GPATCH8: variants seen among roughly 807,000 people sequenced by gnomAD.
GPATCH8 encodes the protein G-patch domain containing 8.
In GPATCH8, 18 loss-of-function variants were observed where a neutral mutation model predicts 118.3. The ratio of observed to expected loss-of-function variants is 0.15; its 90% CI spans 0.11 to 0.23. The LOEUF (loss-of-function observed/expected upper bound fraction) is 0.23, where lower values mean the gene tolerates loss of function less well. Ranked by LOEUF, GPATCH8 falls within the 10% of genes least tolerant of loss-of-function variation. GPATCH8 has a pLI of 1.00. For missense variants in GPATCH8, 1,631 were observed against 1,873.8 expected, an observed-to-expected ratio of 0.87 and a Z score of 2.39; for synonymous variants, 659 against 684.7, an observed-to-expected ratio of 0.96 and a Z score of 0.59.
Position 44,400,133 on chromosome 17 carries a change from C to A in GPATCH8, c.1944G>T (p.Gly648=). The A allele has an allele frequency of 1.2e-6, 2 of 1,613,984 alleles. No individual in the cohort carries two copies. Among genetic ancestry groups the A allele is most frequent in the Non-Finnish European group, 1.7e-6 (2 of 1,180,026 alleles). ...ACSGLNKQEP[G]GSHGSETEDT... ...CTTCTGTCTCAGACCCATGGCTACC[C>A]CCAGGCTCCTGCTTGTTCAGGCCGC... Residue 648 remains glycine (G), a synonymous_variant, in exon 8 of 8, where the codon GGG becomes GGT. Coordinates refer to ENST00000591680, the MANE Select transcript of GPATCH8 (RefSeq NM_001002909.4).
intron 5 of GPATCH8, 147 bp from the exon 6 acceptor site, chr17:44,424,639 A>G: frequency 1.5e-6 from 1 of 676,504 alleles, no homozygotes; most frequent in Non-Finnish European, 2.6e-6. Context: ...ATGAAACACA[A>G]GTGGTACTTT....
chr17:44,414,568 C>G lies in GPATCH8; in HGVS notation c.493-8517G>C, dbSNP rs572609201. 4.6e-5 allele frequency among the ~76,000 whole-genome samples: 7 copies of G among 152,312 alleles called. No individual in the cohort carries two copies. In the South Asian group the frequency reaches 8.3e-4, roughly 18 times the overall value. ...AAGGGATCCTCCTGCCTTGGCCTCC[C>G]AAAGTGTTTACAGGCGTGAGCCATT... On this transcript the variant is annotated intron_variant, in intron 6 of 7. Coordinates refer to ENST00000591680, the MANE Select transcript of GPATCH8 (RefSeq NM_001002909.4).
intron 3 of GPATCH8, among the ~76,000 whole-genome samples, chr17:44,464,232 A>T (rs1042604341): frequency 5.7e-4 from 87 of 152,210 alleles, no homozygotes; most frequent in Non-Finnish European, 1.8e-4. Flanking sequence ...AGCCACACAC[A>T]GTATGTTTGA....
chr17:44,503,254 G>A, intron 1 of GPATCH8, 72 bp downstream of exon 1: 2 of 1,328,808 alleles, frequency 1.5e-6, no homozygotes, highest in Non-Finnish European at 2.1e-6. Flanking sequence ...AAGAGGGCTG[G>A]GAGCCGGAGA....
intron 3 of GPATCH8, among the ~76,000 whole-genome samples, chr17:44,438,179 A>C (rs2050577888): frequency 6.6e-6 from 1 of 152,222 alleles, no homozygotes. Context: ...TTTACTGGTA[A>C]AAACAAATAG....
chr17:44,464,353 A>C, intron 3 of GPATCH8, 119 bp downstream of exon 3: 1 of 758,744 alleles, frequency 1.3e-6, no homozygotes, highest in South Asian at 1.4e-5. Flanking sequence ...CTCTAAGGGG[A>C]AAAAGGTAGT....
chr17:44,500,821 A>C (rs1256127890), intron 1 of GPATCH8, among the ~76,000 whole-genome samples: 1 of 152,232 alleles, frequency 6.6e-6, no homozygotes, highest in African/African-American at 2.4e-5. Context: ...CCTTAAAAGG[A>C]GGCCACGTTT....
At chr17:44,455,519 A>G (rs2051297357) in intron 3 of GPATCH8, among the ~76,000 whole-genome samples, 1 of 152,060 alleles carries the variant, frequency 6.6e-6, no homozygotes, top group South Asian at 2.1e-4. Context: ...AAAATTAAAA[A>G]AAATAAAATT....
At chr17:44,488,148 C>G (rs1463831490) in intron 1 of GPATCH8, among the ~76,000 whole-genome samples, 1 of 150,548 alleles carries the variant, frequency 6.6e-6, no homozygotes, top group African/African-American at 2.4e-5. Flanking sequence ...TGGTCTCAAT[C>G]TCCTGACCTC....
In GPATCH8 at chr17:44,399,880, G is replaced by C; in HGVS notation, c.2197C>G (p.Pro733Ala). ...APADSERGPKPEPPGSGSPAP... is the reference protein window; with the variant it reads ...APADSERGPKAEPPGSGSPAP... Reference sequence around the variant, plus strand: ...GGACTGCCACTCCCAGGGGGTTCTGGTTTGGGTCCTCGTTCAGAATCTGCT... The same window carrying C: ...GGACTGCCACTCCCAGGGGGTTCTGCTTTGGGTCCTCGTTCAGAATCTGCT... Residue 733 changes from proline (P) to alanine (A), a missense_variant, in exon 8 of 8, where the codon CCA (proline) becomes GCA (alanine). This residue lies in a region of GPATCH8 where 922 missense variants were observed against 879.7 expected (regional missense o/e 1.05). Coordinates refer to ENST00000591680, the MANE Select transcript of GPATCH8 (RefSeq NM_001002909.4). The C allele has an allele frequency of 6.2e-7, 1 of 1,613,890 alleles. No homozygotes were observed. Among genetic ancestry groups the C allele is most frequent in the Non-Finnish European group, 8.5e-7 (1 of 1,179,956 alleles).
chr17:44,476,420 G>C (rs560586470), intron 1 of GPATCH8, among the ~76,000 whole-genome samples: 1 of 152,108 alleles, frequency 6.6e-6, no homozygotes, highest in African/African-American at 2.4e-5. Context: ...GCCCAGGGTA[G>C]TCTCAAACTC....
At chr17:44,494,911 A>G (rs1419271085) in intron 1 of GPATCH8, among the ~76,000 whole-genome samples, 2 of 152,216 alleles carry the variant, frequency 1.3e-5, no homozygotes, top group African/African-American at 4.8e-5. Context: ...ATTGTCCTAA[A>G]AAAACAAATT....
chr17:44,451,433 A>G (rs543887143), intron 3 of GPATCH8, among the ~76,000 whole-genome samples: 1 of 152,326 alleles, frequency 6.6e-6, no homozygotes, highest in East Asian at 1.9e-4. Context: ...ACATATGCAG[A>G]ATACAAAACA....
intron 6 of GPATCH8, among the ~76,000 whole-genome samples, chr17:44,418,749 CTA>C (rs751482267): frequency 5.3e-5 from 8 of 152,168 alleles, no homozygotes; most frequent in Non-Finnish European, 1.0e-4. Context: ...CCGCGCCCGG[CTA>C]GTCAGTGCTA....
rs369253371 is a variant in GPATCH8 at position 44,397,852 on chromosome 17, G to C, written c.4225C>G (p.Pro1409Ala). The change falls in exon 8 of 8, where the codon CCC becomes GCC. Residue 1409 changes from proline (P) to alanine (A), a missense_variant. Physicochemically the swap from Pro to Ala is conservative, Grantham distance 27. This residue lies in a region of GPATCH8 where 111 missense variants were observed against 112.4 expected (regional missense o/e 0.99). Transcript: ENST00000591680. The stretch of plus-strand genomic sequence containing the variant: ...GAAATGGGGGTCAGATGGGGCTGGG[G>C]AATATGATGCACCTGGGCAAGTGGT... The part of the protein sequence containing the change: ...PQPLAQVHHI[P>A]QPHLTPISLS... 35 of 1,604,588 alleles carry C rather than the reference G, an allele frequency of 2.2e-5. No homozygotes were observed. In the African/African-American group the frequency reaches 4.1e-4, roughly 19 times the overall value.
rs1221362554 is a variant in GPATCH8, at chr17:44,398,371, C to T, written c.3706G>A (p.Asp1236Asn). ...TPAHSDCYPG[D>N]PTISHNYLPD... ...AGGTAGTTATGGGAGATGGTTGGGT[C>T]CCCAGGGTAGCAGTCAGAATGTGCT... Residue 1236 changes from aspartate to asparagine, a missense_variant, in exon 8 of 8, where the codon GAC becomes AAC. This residue lies in a region of GPATCH8 where 922 missense variants were observed against 879.7 expected (regional missense o/e 1.05). Coordinates refer to ENST00000591680, the MANE Select transcript of GPATCH8 (RefSeq NM_001002909.4). The T allele has an allele frequency of 6.2e-7, 1 of 1,613,924 alleles. No homozygotes were observed. Among genetic ancestry groups the T allele is most frequent in the African/African-American group, 1.3e-5 (1 of 74,890 alleles).
chr17:44,472,619 A>G (rs1312352121), intron 2 of GPATCH8, among the ~76,000 whole-genome samples: 1 of 152,212 alleles, frequency 6.6e-6, no homozygotes, highest in Non-Finnish European at 1.5e-5. Context: ...TGCACCTTGT[A>G]GAATGTGGTA....
rs572906126 is a variant in GPATCH8 at position 44,428,696 on chromosome 17, G to A, written c.349-4204C>T. On this transcript the variant is annotated intron_variant, in intron 5 of 7. Coordinates refer to ENST00000591680, the MANE Select transcript of GPATCH8 (RefSeq NM_001002909.4). ...CATGCACCTGTAGCCCCAGATGCTC[G>A]GGAAGCTGAGGTGGGAGGATCGCTT... Among the ~76,000 whole-genome samples, 11 of 151,908 alleles carry A rather than the reference G, an allele frequency of 7.2e-5. No homozygotes were observed. The South Asian group carries it at 1.3e-3, about 17-fold the overall frequency.
At chr17:44,453,490 GGTAGGTAGGGGT>G (rs1397124957) in intron 3 of GPATCH8, among the ~76,000 whole-genome samples, 2 of 50,410 alleles carry the variant, frequency 4.0e-5, no homozygotes, top group South Asian at 4.5e-4. Flanking sequence ...TAGGTAGGTA[GGTAGGTAGGGGT>G]GTGTGTGTGT....
Sources: gnomAD v4.1 joint callset for allele counts (sites outside exome capture counted in the v4.1 genomes callset) on GRCh38, gnomAD v4.1.1 for gene constraint, gnomAD v4.1.1 regional missense constraint, MANE v1.5 for transcripts, NCBI Gene and HGNC (gene_info 2026-07-23, HGNC 2026-07-21) for gene names.